The following TMEM132D variants were observed in gnomAD, a reference collection of about 807,000 sequenced individuals.
TMEM132D encodes the protein mature OL transmembrane protein.
A neutral mutation model predicts 62.3 loss-of-function variants in TMEM132D; 21 were observed. That is an observed-to-expected ratio of 0.34 (90% CI 0.24 to 0.49). TMEM132D has a LOEUF of 0.49. TMEM132D is among the 20% of genes least tolerant of loss of function. TMEM132D has a pLI of 0.99. For missense variants in TMEM132D, 1,346 were observed against 1,402.8 expected (o/e 0.96, Z 0.65); for synonymous variants, 621 against 575.6 (o/e 1.08, Z -1.13).
At chr12:129,186,717 G>A (rs1415319519) in intron 5 of TMEM132D, among the ~76,000 whole-genome samples, 2 of 152,142 alleles carry the variant, frequency 1.3e-5, no homozygotes, top group Non-Finnish European at 2.9e-5. Context: ...ATACATGTAA[G>A]TGTTATCCAA....
chr12:129,247,718 T>C (rs1162827808), intron 4 of TMEM132D, among the ~76,000 whole-genome samples: 3 of 152,200 alleles, frequency 2.0e-5, no homozygotes, highest in Non-Finnish European at 2.9e-5. Flanking sequence ...TTTGTAATGT[T>C]AATAGGGGGG....
intron 1 of TMEM132D, among the ~76,000 whole-genome samples, chr12:129,899,087 G>A (rs75047291): frequency 8.9e-4 from 135 of 152,216 alleles, no homozygotes; most frequent in Non-Finnish European, 1.6e-3. Flanking sequence ...AAGGCATGTG[G>A]CCTTTGACAT....
Position 129,337,836 on chromosome 12 carries a change from G to T in TMEM132D, c.1116-19C>A. 1.3e-6 allele frequency: 2 copies of T among 1,585,118 alleles called. No individual in the cohort carries two copies. The highest frequency in any genetic ancestry group is 8.6e-7 in the Non-Finnish European group (1 of 1,164,034). On this transcript the variant is annotated intron_variant, in intron 3 of 8. Transcript: ENST00000422113. The stretch of plus-strand genomic sequence containing the variant: ...ATCCGCACTGGAGAGAAGACACAGA[G>T]GAGAACAGCTTTCAGGGACTGATGA...
At chr12:129,167,178 A>T (rs1398937048) in intron 5 of TMEM132D, among the ~76,000 whole-genome samples, 2 of 146,928 alleles carry the variant, frequency 1.4e-5, no homozygotes, top group Non-Finnish European at 3.0e-5. Context: ...AAACAAAAAA[A>T]AAACCAGTGC....
At chr12:129,175,765 A>G (rs900602408) in intron 5 of TMEM132D, among the ~76,000 whole-genome samples, 1 of 152,182 alleles carries the variant, frequency 6.6e-6, no homozygotes. Flanking sequence ...TGTAGCTTAC[A>G]TAATTTATTA....
At position 129,364,273 on chromosome 12, in the gene TMEM132D, C is replaced by G. The variant is rs57517111; in HGVS notation, c.1116-26456G>C. Among the ~76,000 whole-genome samples the G allele has an allele frequency of 8.8e-3, 1,342 of 152,314 alleles. 24 individuals carry two copies. Among genetic ancestry groups the G allele is most frequent in the African/African-American group, 0.031 (1,283 of 41,570 alleles). On this transcript the variant is annotated intron_variant, in intron 3 of 8. Transcript: ENST00000422113. ...AATAAAATGGTCAATAATTGTAACT[C>G]TCTTTGAGTGATGGTCAGTCCTCTG...
intron 4 of TMEM132D, among the ~76,000 whole-genome samples, chr12:129,327,412 T>C (rs1868950643): frequency 6.6e-6 from 1 of 152,212 alleles, no homozygotes. Flanking sequence ...CTAGCACACA[T>C]GGCTGTTTAT....
chr12:129,110,789 G>A (rs971705811), intron 5 of TMEM132D: 1 of 152,278 alleles, frequency 6.6e-6, no homozygotes, highest in Non-Finnish European at 1.5e-5. Context: ...ACCGGGCGCT[G>A]GCTGAACAAG....
At chr12:129,485,034 G>C (rs1364411092) in intron 3 of TMEM132D, among the ~76,000 whole-genome samples, 3 of 152,150 alleles carry the variant, frequency 2.0e-5, no homozygotes, top group African/African-American at 7.2e-5. Context: ...AGGTGCCCAG[G>C]CCTGTTAAGA....
At chr12:129,729,537 T>G (rs191122466) in intron 1 of TMEM132D, among the ~76,000 whole-genome samples, 1 of 152,274 alleles carries the variant, frequency 6.6e-6, no homozygotes, top group East Asian at 1.9e-4. Context: ...ATACCTTTTT[T>G]TCTTTCTTGC....
chr12:129,630,092 A>T (rs935161669), intron 2 of TMEM132D, among the ~76,000 whole-genome samples: 1 of 152,214 alleles, frequency 6.6e-6, no homozygotes, highest in East Asian at 1.9e-4. Flanking sequence ...AAGAACTTGC[A>T]CATGACCTCC....
At chr12:129,843,403 C>A (rs1373958993) in intron 1 of TMEM132D, among the ~76,000 whole-genome samples, 3 of 152,082 alleles carry the variant, frequency 2.0e-5, no homozygotes, top group Non-Finnish European at 4.4e-5. Context: ...TGACACGATT[C>A]CACCCCATAA....
In TMEM132D at chr12:129,330,284, G is replaced by C. The variant is rs941559215; in HGVS notation, c.1299+7350C>G. On this transcript the variant is annotated intron_variant, in intron 4 of 8. Coordinates refer to ENST00000422113, the MANE Select transcript of TMEM132D (RefSeq NM_133448.3). ...TAATGAGAAAACAGCATCTGAGTATGAAATATCACACGTCAGGAGGGGTTT... is the reference window on the plus strand; with the variant it reads ...TAATGAGAAAACAGCATCTGAGTATCAAATATCACACGTCAGGAGGGGTTT... Among the ~76,000 whole-genome samples the C allele has an allele frequency of 3.9e-5, 6 of 152,324 alleles. No individual in the cohort carries two copies. The South Asian group carries it at 1.2e-3, about 32-fold the overall frequency.
intron 4 of TMEM132D, among the ~76,000 whole-genome samples, chr12:129,327,097 C>T (rs1868941083): frequency 6.6e-6 from 1 of 152,146 alleles, no homozygotes; most frequent in Non-Finnish European, 1.5e-5. Context: ...ATAGTAGGTG[C>T]TTCTGATGGA....
At chr12:129,559,921 G>A (rs143593578) in intron 2 of TMEM132D, among the ~76,000 whole-genome samples, 86 of 152,338 alleles carry the variant, frequency 5.6e-4, no homozygotes, top group African/African-American at 1.8e-3. Context: ...AGGATAGCAT[G>A]CACGTGGAAT....
intron 3 of TMEM132D, among the ~76,000 whole-genome samples, chr12:129,428,624 C>T (rs1332994076): frequency 6.6e-6 from 1 of 152,172 alleles, no homozygotes; most frequent in Non-Finnish European, 1.5e-5. Context: ...AATATATTAG[C>T]AAGCATCAGC....
chr12:129,216,438 AAC>A (rs1284031703), intron 4 of TMEM132D, among the ~76,000 whole-genome samples: 1 of 152,182 alleles, frequency 6.6e-6, no homozygotes, highest in Non-Finnish European at 1.5e-5. Flanking sequence ...AAGAAGAGAA[AAC>A]ACAGACAGAC....
chr12:129,354,638 T>G (rs1247494871), intron 3 of TMEM132D, among the ~76,000 whole-genome samples: 1 of 152,140 alleles, frequency 6.6e-6, no homozygotes, highest in East Asian at 1.9e-4. Context: ...GGGTATTTTT[T>G]TAATGTGCCA....
intron 1 of TMEM132D, among the ~76,000 whole-genome samples, chr12:129,763,287 A>C (rs778031999): frequency 6.6e-6 from 1 of 152,174 alleles, no homozygotes; most frequent in South Asian, 2.1e-4. Context: ...CATGTTTCCC[A>C]GGCTGGTCTC....
Sources: gnomAD v4.1 joint callset for allele counts (sites outside exome capture counted in the v4.1 genomes callset) on GRCh38, gnomAD v4.1.1 for gene constraint, MANE v1.5 for transcripts, NCBI Gene and HGNC (gene_info 2026-07-23, HGNC 2026-07-21) for gene names.